Variants in PRSS23 observed in about 807,000 individuals in gnomAD.
The protein encoded by PRSS23 is serine protease 23.
Under a neutral mutation model 34.7 loss-of-function variants are expected in PRSS23, and 25 were observed. The observed-to-expected ratio is 0.72, with a 90% CI of 0.53 to 1.01. The LOEUF is 1.01. PRSS23 is among the 50% of genes least tolerant of loss of function. The pLI, the probability that PRSS23 is intolerant of heterozygous loss-of-function variation, is 0.00. For missense variants in PRSS23, 445 were observed against 475.6 expected (o/e 0.94, Z 0.60); for synonymous variants, 176 against 186.6 (o/e 0.94, Z 0.46).
chr11:86,937,949 G>T (rs1297899862), intron 2 of PRSS23: 1 of 152,168 alleles, frequency 6.6e-6, no homozygotes, highest in Non-Finnish European at 1.5e-5. Flanking sequence ...TGATTTTTGT[G>T]AAAGCACCTT....
At chr11:86,894,987 C>T (rs1948865168) in intron 2 of PRSS23, among the ~76,000 whole-genome samples, 1 of 152,174 alleles carries the variant, frequency 6.6e-6, no homozygotes, top group African/African-American at 2.4e-5. Context: ...AAGAAAGGAT[C>T]TAGTATTTTT....
chr11:86,927,187 G>A (rs912226299), intron 2 of PRSS23, among the ~76,000 whole-genome samples: 1 of 152,168 alleles, frequency 6.6e-6, no homozygotes, highest in Non-Finnish European at 1.5e-5. Flanking sequence ...GAGGAGAGTA[G>A]TCAGAGGGAA....
chr11:86,878,292 A>G (rs1948739953), intron 2 of PRSS23, among the ~76,000 whole-genome samples: 1 of 79,496 alleles, frequency 1.3e-5, no homozygotes, highest in African/African-American at 5.5e-5. Context: ...CTCTCTTTCC[A>G]CGGTCTCCCA....
At chr11:86,796,751 C>T (rs1947984213), upstream of PRSS23, among the ~76,000 whole-genome samples, 1 of 151,988 alleles carries the variant, frequency 6.6e-6, no homozygotes, top group Non-Finnish European at 1.5e-5. Flanking sequence ...TAGTTCTGCT[C>T]CCTTAATTTA....
chr11:86,930,659 G>A (rs1370639500), intron 2 of PRSS23, among the ~76,000 whole-genome samples: 1 of 152,046 alleles, frequency 6.6e-6, no homozygotes, highest in African/African-American at 2.4e-5. Context: ...GCGTGGTGGC[G>A]GGCGCCTGTA....
intron 1 of PRSS23, among the ~76,000 whole-genome samples, chr11:86,803,873 C>T (rs1948068963): frequency 6.6e-6 from 1 of 152,190 alleles, no homozygotes; most frequent in Non-Finnish European, 1.5e-5. Context: ...GAAATCTTGT[C>T]TGCCAGATAG....
chr11:86,852,853 T>C (rs1948540174), intron 2 of PRSS23, among the ~76,000 whole-genome samples: 1 of 152,028 alleles, frequency 6.6e-6, no homozygotes, highest in Admixed American at 6.6e-5. Flanking sequence ...ATGTTTTGTT[T>C]GTTTGTTTGT....
chr11:86,897,001 A>C (rs540517287), intron 2 of PRSS23, among the ~76,000 whole-genome samples: 15 of 152,352 alleles, frequency 9.8e-5, no homozygotes, highest in Middle Eastern at 3.4e-3. Context: ...AACCAGCTGA[A>C]ATAAGAACAT....
intron 2 of PRSS23, among the ~76,000 whole-genome samples, chr11:86,854,667 C>A (rs1437106300): frequency 1.3e-5 from 2 of 152,174 alleles, no homozygotes; most frequent in East Asian, 3.8e-4. Flanking sequence ...AGTCTTTGAT[C>A]CAGTTTGTGT....
At chr11:86,879,363 G>A (rs371307301) in intron 2 of PRSS23, among the ~76,000 whole-genome samples, 12,468 of 150,244 alleles carry the variant, frequency 0.083, 539 homozygotes, top group East Asian at 0.18. Flanking sequence ...CCCCATATGA[G>A]AAGTGAGGAG....
At chr11:86,821,735 C>T (rs1240338673) in intron 1 of PRSS23, 2 of 1,377,140 alleles carry the variant, frequency 1.5e-6, no homozygotes, top group Non-Finnish European at 2.0e-6. Flanking sequence ...TCTATTTCTT[C>T]AAAGTGTTCG....
rs945075356 is a variant in PRSS23, at chr11:86,895,488, T to A, written c.207-55728T>A. 4.9e-3 allele frequency among the ~76,000 whole-genome samples: 697 copies of A among 142,784 alleles called. 11 individuals carry two copies. The highest frequency in any genetic ancestry group is 0.018 in the African/African-American group (679 of 38,750). 93.7% of individuals were successfully genotyped at this position (142,784 alleles called of 152,430 possible). ...TCCTTTATTTTATCCTTTTTTTTTT[T>A]TTTTTTTTTTTGAGATAGGGTCTCA... On this transcript the variant is annotated intron_variant, in intron 2 of 2. Transcript: ENST00000533902.
chr11:86,833,902 G>A (rs1565360201), intron 2 of PRSS23, among the ~76,000 whole-genome samples: 1 of 152,122 alleles, frequency 6.6e-6, no homozygotes, highest in South Asian at 2.1e-4. Context: ...GCATAGTAGG[G>A]GTTGTGCAGT....
chr11:86,897,441 T>A (rs536407455), intron 2 of PRSS23, among the ~76,000 whole-genome samples: 46 of 152,248 alleles, frequency 3.0e-4, no homozygotes, highest in African/African-American at 1.1e-3. Flanking sequence ...TGGCACATAG[T>A]AAACAACTCA....
chr11:86,948,101 G>A (rs1949259025), intron 2 of PRSS23: 1 of 152,138 alleles, frequency 6.6e-6, no homozygotes, highest in Non-Finnish European at 1.5e-5. Context: ...AAGCAGAGCT[G>A]ATGCTTTCTG....
At chr11:86,915,735 A>G (rs1281550660) in intron 2 of PRSS23, among the ~76,000 whole-genome samples, 1 of 152,022 alleles carries the variant, frequency 6.6e-6, no homozygotes, top group Non-Finnish European at 1.5e-5. Flanking sequence ...ATGAAATATT[A>G]TATTTGTAAT....
rs1186886860 is a variant in PRSS23, at chr11:86,824,947, T to A, written c.206+1354T>A. Among the ~76,000 whole-genome samples, 8 of 152,140 alleles carry A rather than the reference T, an allele frequency of 5.3e-5. No individual in the cohort carries two copies. In the East Asian group the frequency reaches 1.5e-3, roughly 29 times the overall value. ...TAGTGCCACAATAAACATACCTGTGTATGTGTCTTTATAGCAGCATGATTT... is the reference window on the plus strand; with the variant it reads ...TAGTGCCACAATAAACATACCTGTGAATGTGTCTTTATAGCAGCATGATTT... On this transcript the variant is annotated intron_variant, in intron 2 of 2. Coordinates refer to the PRSS23 transcript ENST00000533902.
Position 86,840,852 on chromosome 11 carries a change from G to T in PRSS23, c.206+17259G>T, listed in dbSNP as rs188726094. Among the ~76,000 whole-genome samples the T allele has an allele frequency of 8.8e-4, 117 of 133,402 alleles. 1 individual carries two copies. Among genetic ancestry groups the T allele is most frequent in the Middle Eastern group, 8.4e-3 (2 of 238 alleles). 87.5% of individuals were successfully genotyped at this position (133,402 alleles called of 152,430 possible). A position where few individuals can be genotyped will look rare whatever the true frequency, so the allele number is the denominator to read the frequency against. ...CATGGAAACTGAGCAACCTGCTCCT[G>T]AGTGACTACTGGGTAAATAGCAAAA... On this transcript the variant is annotated intron_variant, in intron 2 of 2. Coordinates refer to the PRSS23 transcript ENST00000533902.
chr11:86,870,313 C>G (rs1051123198), intron 2 of PRSS23, among the ~76,000 whole-genome samples: 3 of 152,042 alleles, frequency 2.0e-5, no homozygotes, highest in African/African-American at 7.2e-5. Flanking sequence ...ATTATCCCAC[C>G]TATGTCAACA....
Sources: allele counts gnomAD v4.1 joint callset (sites outside exome capture counted in the v4.1 genomes callset), GRCh38; gene constraint gnomAD v4.1.1; transcripts MANE v1.5; gene names NCBI Gene and HGNC (gene_info 2026-07-23, HGNC 2026-07-21).